The following ENTREP2 variants were observed in gnomAD, a reference collection of about 807,000 sequenced individuals.
ENTREP2 encodes the protein endosomal transmembrane epsin interactor 2.
At chr15:29,359,030 T>C in the ENTREP2 span, among the ~76,000 whole-genome samples, 4 of 152,136 alleles carry the variant, frequency 2.6e-5, no homozygotes, top group Non-Finnish European at 5.9e-5. Flanking sequence ...AAACACTAAA[T>C]TGAGACAAGA....
At chr15:29,652,605 G>C in the ENTREP2 span, among the ~76,000 whole-genome samples, 1 of 152,248 alleles carries the variant, frequency 6.6e-6, no homozygotes, top group African/African-American at 2.4e-5. Context: ...AGGCCCTGCG[G>C]TTCTTGGAGT....
chr15:29,222,805 G>A, the ENTREP2 span, among the ~76,000 whole-genome samples: 8 of 152,180 alleles, frequency 5.3e-5, no homozygotes, highest in Non-Finnish European at 8.8e-5. Flanking sequence ...AGACAAAAAT[G>A]CCTGCCAGTT....
At chr15:29,164,338 C>T in the ENTREP2 span, among the ~76,000 whole-genome samples, 1 of 152,328 alleles carries the variant, frequency 6.6e-6, no homozygotes, top group Admixed American at 6.5e-5. Flanking sequence ...CCTCACATCT[C>T]AATTCCAACA....
chr15:29,424,224 A>C, the ENTREP2 span, among the ~76,000 whole-genome samples: 2 of 152,162 alleles, frequency 1.3e-5, no homozygotes, highest in Middle Eastern at 3.4e-3. Flanking sequence ...AAAATACAAA[A>C]CCTCTGCACT....
the ENTREP2 span, among the ~76,000 whole-genome samples, chr15:29,344,062 G>T: frequency 6.6e-6 from 1 of 152,134 alleles, no homozygotes; most frequent in African/African-American, 2.4e-5. Context: ...TATCCTCCAA[G>T]CATTTGATAC....
At chr15:29,446,385 G>GT in the ENTREP2 span, among the ~76,000 whole-genome samples, 230 of 151,612 alleles carry the variant, frequency 1.5e-3, 4 homozygotes, top group East Asian at 0.037. Context: ...TTCTTGGAAG[G>GT]TTTTTTTTTC....
chr15:29,290,628 C>T, the ENTREP2 span, among the ~76,000 whole-genome samples: 4 of 152,212 alleles, frequency 2.6e-5, no homozygotes, highest in Admixed American at 1.3e-4. Flanking sequence ...ACACAGAAGG[C>T]GCTCAGTACA....
At chr15:29,657,180 T>G in the ENTREP2 span, among the ~76,000 whole-genome samples, 5 of 151,794 alleles carry the variant, frequency 3.3e-5, no homozygotes, top group South Asian at 2.1e-4. Context: ...CCTGAGCAGC[T>G]GGGACTACAC....
At chr15:29,587,713 G>A in the ENTREP2 span, among the ~76,000 whole-genome samples, 1 of 152,140 alleles carries the variant, frequency 6.6e-6, no homozygotes, top group African/African-American at 2.4e-5. Flanking sequence ...AGGCTGGAGA[G>A]CAGTGGTATG....
chr15:29,146,544 C>T, the ENTREP2 span, among the ~76,000 whole-genome samples: 114 of 152,214 alleles, frequency 7.5e-4, no homozygotes, highest in African/African-American at 2.5e-3. Flanking sequence ...GACCATTCAA[C>T]GGGGAAAGAT....
chr15:29,311,379 T>G, the ENTREP2 span, among the ~76,000 whole-genome samples: 3 of 152,204 alleles, frequency 2.0e-5, no homozygotes, highest in African/African-American at 7.2e-5. Context: ...GAGACATGCA[T>G]TGTTTTTTAT....
At chr15:29,344,972 G>A in the ENTREP2 span, among the ~76,000 whole-genome samples, 2 of 131,886 alleles carry the variant, frequency 1.5e-5, no homozygotes, top group Non-Finnish European at 3.3e-5. Flanking sequence ...ACACACACAC[G>A]TCTGTGTTTA....
At chr15:29,379,862 G>C in the ENTREP2 span, among the ~76,000 whole-genome samples, 1 of 152,118 alleles carries the variant, frequency 6.6e-6, no homozygotes, top group Admixed American at 6.5e-5. Context: ...TGCGGAAGGC[G>C]GCTTTTCCTT....
chr15:29,422,457 T>C, the ENTREP2 span, among the ~76,000 whole-genome samples: 2 of 152,090 alleles, frequency 1.3e-5, no homozygotes, highest in Non-Finnish European at 2.9e-5. Flanking sequence ...AAAGGTTAAA[T>C]TCTTGGACTT....
At chr15:29,286,329 C>A in the ENTREP2 span, among the ~76,000 whole-genome samples, 1 of 152,046 alleles carries the variant, frequency 6.6e-6, no homozygotes, top group Non-Finnish European at 1.5e-5. Context: ...CAAAGTAGCT[C>A]GATATAAGGT....
the ENTREP2 span, among the ~76,000 whole-genome samples, chr15:29,296,268 G>A: frequency 1.3e-5 from 2 of 149,598 alleles, no homozygotes; most frequent in East Asian, 3.9e-4. Flanking sequence ...GCTTGGATGA[G>A]GGGGTAGCAG....
the ENTREP2 span, among the ~76,000 whole-genome samples, chr15:29,174,752 T>C: frequency 2.0e-5 from 3 of 150,550 alleles, no homozygotes; most frequent in African/African-American, 7.4e-5. Context: ...TACTGGGAAC[T>C]ATAAAGCTTT....
At chr15:29,410,505 C>T in the ENTREP2 span, among the ~76,000 whole-genome samples, 2 of 151,994 alleles carry the variant, frequency 1.3e-5, no homozygotes, top group Non-Finnish European at 1.5e-5. Context: ...TCGGTAACTG[C>T]ACTCCAGTCC....
chr15:29,148,452 TA>T, the ENTREP2 span, among the ~76,000 whole-genome samples: 1 of 152,230 alleles, frequency 6.6e-6, no homozygotes, highest in Non-Finnish European at 1.5e-5. Flanking sequence ...GTCTTTTACA[TA>T]AAATAATGTT....
Sources: allele counts gnomAD v4.1 joint callset (sites outside exome capture counted in the v4.1 genomes callset), GRCh38; gene constraint gnomAD v4.1.1; transcripts MANE v1.5; gene names NCBI Gene and HGNC (gene_info 2026-07-23, HGNC 2026-07-21).